The following SDCCAG8 variants were observed in gnomAD, a reference collection of about 807,000 sequenced individuals.
SDCCAG8 encodes serologically defined colon cancer antigen 8.
Under a neutral mutation model 101.8 loss-of-function variants are expected in SDCCAG8, and 74 were observed. The observed-to-expected ratio is 0.73, with a 90% CI of 0.60 to 0.88. The LOEUF (loss-of-function observed/expected upper bound fraction) is 0.88. Ranked by LOEUF, SDCCAG8 falls within the 40% of genes least tolerant of loss-of-function variation. The pLI, the probability that SDCCAG8 is intolerant of heterozygous loss-of-function variation, is 0.00. For missense variants in SDCCAG8, 787 were observed against 822.6 expected, an observed-to-expected ratio of 0.96 and a Z score of 0.53; for synonymous variants, 281 against 292.9, an observed-to-expected ratio of 0.96 and a Z score of 0.41.
chr1:243,278,891 T>C (rs1429340631), intron 4 of SDCCAG8, among the ~76,000 whole-genome samples: 2 of 152,104 alleles, frequency 1.3e-5, no homozygotes, highest in East Asian at 3.9e-4. Flanking sequence ...CAAGTGATCC[T>C]CCTACCACAG....
chr1:243,267,874 G>A, intron 1 of SDCCAG8: 4 of 1,160,832 alleles, frequency 3.4e-6, no homozygotes, highest in Non-Finnish European at 5.2e-6. Context: ...AGTCCAGTTT[G>A]GCTTTTATGG....
At chr1:243,266,785 A>AAAAAAG (rs1315574560) in intron 1 of SDCCAG8, among the ~76,000 whole-genome samples, 10 of 148,356 alleles carry the variant, frequency 6.7e-5, no homozygotes, top group South Asian at 4.2e-4. Flanking sequence ...ACAAAAAAAA[A>AAAAAAG]AAAAGAAATT....
At chr1:243,490,386 C>A (rs1403162748) in intron 17 of SDCCAG8, among the ~76,000 whole-genome samples, 1 of 152,244 alleles carries the variant, frequency 6.6e-6, no homozygotes, top group East Asian at 1.9e-4. Flanking sequence ...GGAGGCGAGG[C>A]CTCACCTGGC....
At chr1:243,466,743 A>G (rs937808006) in intron 16 of SDCCAG8, among the ~76,000 whole-genome samples, 3 of 152,394 alleles carry the variant, frequency 2.0e-5, no homozygotes, top group Admixed American at 6.5e-5. Context: ...CACAGGTCCT[A>G]TCGAGAGTAG....
chr1:243,312,566 T>C (rs1349815964), intron 8 of SDCCAG8, among the ~76,000 whole-genome samples: 5 of 151,964 alleles, frequency 3.3e-5, no homozygotes, highest in Non-Finnish European at 7.4e-5. Flanking sequence ...AATAGCTGGA[T>C]GTGTTGGTGC....
intron 9 of SDCCAG8, among the ~76,000 whole-genome samples, chr1:243,327,751 C>T (rs1210500719): frequency 4.6e-5 from 7 of 152,026 alleles, no homozygotes; most frequent in Admixed American, 6.6e-5. Context: ...TTAGTATGTG[C>T]GGTCCAGTGT....
intron 3 of SDCCAG8, among the ~76,000 whole-genome samples, chr1:243,273,914 A>G (rs998874633): frequency 4.5e-4 from 68 of 152,270 alleles, no homozygotes; most frequent in Non-Finnish European, 2.5e-4. Flanking sequence ...ATCTTTAAAA[A>G]AAATGATATT....
intron 8 of SDCCAG8, among the ~76,000 whole-genome samples, 179 bp from the exon 9 acceptor site, chr1:243,316,576 C>T (rs149012907): frequency 2.5e-4 from 38 of 152,260 alleles, no homozygotes; most frequent in Middle Eastern, 6.8e-3. Context: ...CTGGCTGCTC[C>T]GCCCGCCGCT....
intron 13 of SDCCAG8, among the ~76,000 whole-genome samples, chr1:243,409,591 G>A (rs1573882620): frequency 6.6e-6 from 1 of 152,180 alleles, no homozygotes; most frequent in East Asian, 1.9e-4. Context: ...CTGGTACAAG[G>A]ACATTACAAG....
chr1:243,470,481 CT>C (rs374087282), intron 16 of SDCCAG8, among the ~76,000 whole-genome samples: 346 of 144,458 alleles, frequency 2.4e-3, no homozygotes, highest in African/African-American at 4.7e-3. Flanking sequence ...TTTCCTTTTC[CT>C]TTTTTTTTTT....
At chr1:243,400,489 T>C (rs2079311029) in intron 13 of SDCCAG8, among the ~76,000 whole-genome samples, 1 of 152,178 alleles carries the variant, frequency 6.6e-6, no homozygotes, top group African/African-American at 2.4e-5. Context: ...AAAGAGTAGA[T>C]AGGTTGGTAA....
intron 1 of SDCCAG8, chr1:243,267,311 C>T (rs1308537301): frequency 1.3e-5 from 3 of 228,480 alleles, no homozygotes; most frequent in Non-Finnish European, 2.6e-5. Context: ...TTTAAGGTCC[C>T]GGTCACTGGG....
At chr1:243,366,624 G>T (rs1258272635) in intron 12 of SDCCAG8, among the ~76,000 whole-genome samples, 1 of 151,888 alleles carries the variant, frequency 6.6e-6, no homozygotes. Context: ...CTAAATAAGA[G>T]TATCATAATA....
intron 4 of SDCCAG8, among the ~76,000 whole-genome samples, chr1:243,275,026 A>G (rs2068420901): frequency 6.6e-6 from 1 of 152,242 alleles, no homozygotes; most frequent in South Asian, 2.1e-4. Context: ...GAGCAGTGGT[A>G]CAGCAATCAG....
At chr1:243,471,616 G>A (rs948255419) in intron 16 of SDCCAG8, among the ~76,000 whole-genome samples, 1 of 152,110 alleles carries the variant, frequency 6.6e-6, no homozygotes, top group Non-Finnish European at 1.5e-5. Flanking sequence ...CAGGGGTTGG[G>A]GGGTGGAGGG....
At chr1:243,438,309 CT>C (rs2082284686) in intron 16 of SDCCAG8, among the ~76,000 whole-genome samples, 2 of 152,212 alleles carry the variant, frequency 1.3e-5, no homozygotes, top group Admixed American at 1.3e-4. Flanking sequence ...GGCTGCTTTC[CT>C]TTTATCTACT....
intron 16 of SDCCAG8, among the ~76,000 whole-genome samples, chr1:243,472,318 T>A (rs1035175112): frequency 1.3e-5 from 2 of 152,168 alleles, no homozygotes; most frequent in Admixed American, 6.5e-5. Flanking sequence ...ATCAAACCAG[T>A]TTGAATTAAG....
chr1:243,450,030 C>G (rs1258379480), intron 16 of SDCCAG8, among the ~76,000 whole-genome samples: 1 of 152,178 alleles, frequency 6.6e-6, no homozygotes, highest in Admixed American at 6.5e-5. Flanking sequence ...AAAACATGAG[C>G]TTTCTCTAGA....
chr1:243,274,685 A>G (rs1372581855), intron 4 of SDCCAG8, 29 bp downstream of exon 4: 10 of 1,271,200 alleles, frequency 7.9e-6, no homozygotes, highest in Non-Finnish European at 1.1e-5. Flanking sequence ...ATTTAAAACT[A>G]AATAAATGAA....
Sources: allele counts gnomAD v4.1 joint callset (sites outside exome capture counted in the v4.1 genomes callset), GRCh38; gene constraint gnomAD v4.1.1; transcripts MANE v1.5; gene names NCBI Gene and HGNC (gene_info 2026-07-23, HGNC 2026-07-21).